Variants in WASF3 observed in about 807,000 individuals in gnomAD.
The protein encoded by WASF3 is actin-binding protein WASF3.
WASF3 carries 11 observed loss-of-function variants against 46.6 expected under a neutral mutation model. That is an observed-to-expected ratio of 0.24 (90% CI 0.15 to 0.39). The LOEUF (loss-of-function observed/expected upper bound fraction) is 0.39, where lower values mean the gene tolerates loss of function less well. Ranked by LOEUF, WASF3 falls within the 10% of genes least tolerant of loss-of-function variation. The probability of loss-of-function intolerance (pLI) is 1.00; values close to 1 mark genes in which losing one functional copy is unlikely to be tolerated. For missense variants in WASF3, 576 were observed against 669.8 expected, an observed-to-expected ratio of 0.86 and a Z score of 1.55; for synonymous variants, 242 against 259.7, an observed-to-expected ratio of 0.93 and a Z score of 0.65.
chr13:26,595,116 A>G (rs188195721), intron 1 of WASF3, among the ~76,000 whole-genome samples: 1 of 152,340 alleles, frequency 6.6e-6, no homozygotes, highest in East Asian at 1.9e-4. Flanking sequence ...ACTTACCATA[A>G]AGACTTGCAG....
chr13:26,598,905 CT>C (rs1880558376), intron 1 of WASF3, among the ~76,000 whole-genome samples: 1 of 152,192 alleles, frequency 6.6e-6, no homozygotes, highest in Non-Finnish European at 1.5e-5. Flanking sequence ...GAGTCTCGCT[CT>C]GTTGCCCAGA....
chr13:26,540,598 C>T, the WASF3 span, among the ~76,000 whole-genome samples: 1 of 152,232 alleles, frequency 6.6e-6, no homozygotes, highest in Non-Finnish European at 1.5e-5. Context: ...TTGGCTCCTG[C>T]CACCAGCTTG....
At chr13:26,632,025 A>C (rs1167867739) in intron 2 of WASF3, among the ~76,000 whole-genome samples, 2 of 152,220 alleles carry the variant, frequency 1.3e-5, no homozygotes, top group African/African-American at 4.8e-5. Flanking sequence ...TTGATTTTGT[A>C]TCCTGAGACT....
At chr13:26,657,322 A>T (rs532297128) in intron 3 of WASF3, among the ~76,000 whole-genome samples, 2 of 152,324 alleles carry the variant, frequency 1.3e-5, no homozygotes, top group South Asian at 4.1e-4. Context: ...TGCTTTTATC[A>T]TCTGTAACCA....
At chr13:26,650,916 G>A (rs1052456674) in intron 3 of WASF3, among the ~76,000 whole-genome samples, 3 of 152,126 alleles carry the variant, frequency 2.0e-5, no homozygotes, top group Non-Finnish European at 4.4e-5. Flanking sequence ...TGACACATAC[G>A]TAATTGGAAT....
rs140761858 is a variant in WASF3, at chr13:26,605,765, A to G, written c.-108-7196A>G. On this transcript the variant is annotated intron_variant, in intron 1 of 9. Transcript: ENST00000335327. ...TAATCGAGTTTTCCTTTGGAAACCA[A>G]TTATATTTACTACGGATTTCTAACC... 1.6e-3 allele frequency among the ~76,000 whole-genome samples: 241 copies of G among 152,318 alleles called. 1 individual carries two copies. Among genetic ancestry groups the G allele is most frequent in the Non-Finnish European group, 2.8e-3 (192 of 68,028 alleles).
At chr13:26,685,282 G>A (rs1883367624) in intron 9 of WASF3, among the ~76,000 whole-genome samples, 1 of 152,168 alleles carries the variant, frequency 6.6e-6, no homozygotes, top group South Asian at 2.1e-4. Context: ...TGCTGTTGCT[G>A]CCTAGTAGAT....
chr13:26,554,457 T>G (rs1879056385), upstream of WASF3, among the ~76,000 whole-genome samples: 1 of 152,024 alleles, frequency 6.6e-6, no homozygotes, highest in African/African-American at 2.4e-5. Flanking sequence ...GGTACAATGA[T>G]AAAGAACTTT....
chr13:26,591,858 C>A (rs1294461975), intron 1 of WASF3, among the ~76,000 whole-genome samples: 1 of 152,032 alleles, frequency 6.6e-6, no homozygotes, highest in Non-Finnish European at 1.5e-5. Context: ...GCTTTAGGAA[C>A]GGCTGGGCAC....
Position 26,642,374 on chromosome 13 carries a change from C to G in WASF3, c.104C>G (p.Ala35Gly). Residue 35 changes from alanine to glycine, a missense_variant, in exon 3 of 10, where the codon GCC becomes GGC. Coordinates refer to ENST00000335327, the MANE Select transcript of WASF3 (RefSeq NM_006646.6). ...ELECVTNSTL[A>G]AIIRQLSSLS... ...GAATGTGTAACCAATAGTACTCTTGCCGCTATCATACGCCAGCTGAGCAGT... is the reference window on the plus strand; with the variant it reads ...GAATGTGTAACCAATAGTACTCTTGGCGCTATCATACGCCAGCTGAGCAGT... The G allele has an allele frequency of 6.2e-7, 1 of 1,608,280 alleles. No homozygotes were observed. Among genetic ancestry groups the G allele is most frequent in the South Asian group, 1.1e-5 (1 of 89,982 alleles).
the WASF3 span, among the ~76,000 whole-genome samples, chr13:26,539,390 C>A: frequency 6.6e-6 from 1 of 152,190 alleles, no homozygotes; most frequent in South Asian, 2.1e-4. Context: ...ACAGGGAAGG[C>A]AATTTAACCC....
At chr13:26,609,751 G>A (rs1880913195) in intron 1 of WASF3, among the ~76,000 whole-genome samples, 1 of 152,060 alleles carries the variant, frequency 6.6e-6, no homozygotes, top group Non-Finnish European at 1.5e-5. Context: ...AGCGGGGAGA[G>A]GTCCTTAAAG....
intron 3 of WASF3, among the ~76,000 whole-genome samples, chr13:26,658,263 C>G (rs1882524528): frequency 1.3e-5 from 2 of 152,074 alleles, no homozygotes; most frequent in South Asian, 4.2e-4. Context: ...TTATTTTAAA[C>G]TATGAATGGT....
intron 1 of WASF3, among the ~76,000 whole-genome samples, chr13:26,564,040 G>A (rs572533497): frequency 5.3e-5 from 8 of 152,094 alleles, no homozygotes; most frequent in African/African-American, 1.9e-4. Flanking sequence ...AACCTTTTTG[G>A]TATTTTAATC....
chr13:26,540,558 T>A, the WASF3 span, among the ~76,000 whole-genome samples: 1 of 152,214 alleles, frequency 6.6e-6, no homozygotes, highest in Non-Finnish European at 1.5e-5. Context: ...TGAAGTCTTA[T>A]CCCAGGATTG....
chr13:26,647,047 C>G (rs1882171575), intron 3 of WASF3, among the ~76,000 whole-genome samples: 1 of 152,148 alleles, frequency 6.6e-6, no homozygotes, highest in African/African-American at 2.4e-5. Context: ...TTACTACATC[C>G]AAATCAGACA....
intron 2 of WASF3, among the ~76,000 whole-genome samples, chr13:26,621,833 A>G (rs1881315942): frequency 6.6e-6 from 1 of 152,104 alleles, no homozygotes; most frequent in African/African-American, 2.4e-5. Context: ...GTTAGTGAGT[A>G]TCTTTTGGGA....
chr13:26,596,301 T>A (rs565120887), intron 1 of WASF3, among the ~76,000 whole-genome samples: 2 of 152,096 alleles, frequency 1.3e-5, no homozygotes, highest in Non-Finnish European at 2.9e-5. Context: ...ATGTTTATTT[T>A]TTTTTTGCTC....
chr13:26,661,329 T>C (rs926377409), intron 3 of WASF3, among the ~76,000 whole-genome samples: 7 of 152,226 alleles, frequency 4.6e-5, no homozygotes, highest in African/African-American at 9.6e-5. Flanking sequence ...CTCTATGAAA[T>C]GGACTACTTT....
Sources: allele counts gnomAD v4.1 joint callset (sites outside exome capture counted in the v4.1 genomes callset), GRCh38; gene constraint gnomAD v4.1.1; transcripts MANE v1.5; gene names NCBI Gene and HGNC (gene_info 2026-07-23, HGNC 2026-07-21).